Variants in GPC6 observed in about 807,000 individuals in gnomAD.
GPC6 encodes the protein glypican 6.
Under a neutral mutation model 55.2 loss-of-function variants are expected in GPC6, and 14 were observed. That is an observed-to-expected ratio of 0.25 (90% CI 0.17 to 0.40). The LOEUF (loss-of-function observed/expected upper bound fraction) is 0.40, where lower values mean the gene tolerates loss of function less well. Among genes scored for constraint, GPC6 ranks in the 10% least tolerant of loss-of-function variants. The pLI is 1.00. For missense variants in GPC6, 641 were observed against 708.5 expected, an observed-to-expected ratio of 0.90 and a Z score of 1.08; for synonymous variants, 278 against 259.6, an observed-to-expected ratio of 1.07 and a Z score of -0.68.
chr13:93,575,468 G>T (rs1209497662), intron 2 of GPC6, among the ~76,000 whole-genome samples: 2 of 152,186 alleles, frequency 1.3e-5, no homozygotes, highest in Non-Finnish European at 2.9e-5. Flanking sequence ...CAGTCCCAGA[G>T]TTTCAGATTC....
chr13:94,106,309 A>G (rs1400951635), intron 4 of GPC6, among the ~76,000 whole-genome samples: 2 of 148,658 alleles, frequency 1.3e-5, no homozygotes, highest in Non-Finnish European at 3.0e-5. Context: ...AGAATCTGAG[A>G]AAAGGTTACA....
chr13:93,373,812 T>C (rs1336615264), intron 1 of GPC6, among the ~76,000 whole-genome samples: 1 of 152,230 alleles, frequency 6.6e-6, no homozygotes, highest in Admixed American at 6.5e-5. Context: ...TTACATGATG[T>C]TAAATAAAGA....
At chr13:93,241,813 G>A (rs1368488340) in intron 1 of GPC6, among the ~76,000 whole-genome samples, 2 of 147,184 alleles carry the variant, frequency 1.4e-5, no homozygotes, top group African/African-American at 5.1e-5. Context: ...TTTGAATTGA[G>A]TTTTGACTGA....
intron 2 of GPC6, among the ~76,000 whole-genome samples, chr13:93,713,100 A>C (rs112424991): frequency 0.017 from 2,576 of 151,698 alleles, 77 homozygotes; most frequent in African/African-American, 0.059. Context: ...GATTAAACAG[A>C]AATTAAAAAC....
At chr13:94,246,664 A>T (rs1258786815) in intron 4 of GPC6, among the ~76,000 whole-genome samples, 2 of 151,920 alleles carry the variant, frequency 1.3e-5, no homozygotes, top group South Asian at 4.1e-4. Context: ...AAAGTAGTTG[A>T]TTATATATGT....
At chr13:93,949,882 A>G (rs1385884527) in intron 3 of GPC6, among the ~76,000 whole-genome samples, 1 of 151,046 alleles carries the variant, frequency 6.6e-6, no homozygotes, top group East Asian at 2.0e-4. Context: ...GCATACCACC[A>G]CCCCCGGCTG....
At chr13:93,500,325 A>C (rs2590508) in intron 1 of GPC6, among the ~76,000 whole-genome samples, 1 of 152,232 alleles carries the variant, frequency 6.6e-6, no homozygotes, top group African/African-American at 2.4e-5. Flanking sequence ...TTGAAAAGAG[A>C]GTGTAGAGAC....
At chr13:94,217,761 T>C (rs1003447479) in intron 4 of GPC6, among the ~76,000 whole-genome samples, 5 of 152,222 alleles carry the variant, frequency 3.3e-5, no homozygotes, top group Non-Finnish European at 7.3e-5. Context: ...GAGCACAGGC[T>C]TCGGCATCAA....
intron 1 of GPC6, among the ~76,000 whole-genome samples, chr13:93,401,154 TCGTG>T (rs1876056883): frequency 9.4e-6 from 1 of 106,496 alleles, no homozygotes; most frequent in African/African-American, 3.2e-5. Flanking sequence ...GAGGTATTTG[TCGTG>T]TGTGTGTGTG....
intron 1 of GPC6, among the ~76,000 whole-genome samples, chr13:93,416,716 C>CCT (rs1273789346): frequency 6.6e-6 from 1 of 152,070 alleles, no homozygotes; most frequent in Non-Finnish European, 1.5e-5. Context: ...CCCTTCCCAG[C>CCT]CTCTGGTAAC....
At chr13:93,729,472 C>A (rs1883751284) in intron 2 of GPC6, among the ~76,000 whole-genome samples, 1 of 152,072 alleles carries the variant, frequency 6.6e-6, no homozygotes, top group Admixed American at 6.5e-5. Context: ...AGAGAAGTAT[C>A]AATGAAAACC....
At chr13:93,418,501 A>C (rs1420586750) in intron 1 of GPC6, among the ~76,000 whole-genome samples, 2 of 151,476 alleles carry the variant, frequency 1.3e-5, no homozygotes, top group Non-Finnish European at 3.0e-5. Flanking sequence ...GTGTTATTTT[A>C]TTAATAGCAC....
At chr13:93,218,868 A>C in the GPC6 span, among the ~76,000 whole-genome samples, 1 of 152,138 alleles carries the variant, frequency 6.6e-6, no homozygotes. Context: ...GGAGTTTGAG[A>C]ACCTACGTAA....
rs182783639 is a variant in GPC6, at chr13:94,001,778, A to G, written c.712-25951A>G. On this transcript the variant is annotated intron_variant, in intron 3 of 8. Coordinates refer to ENST00000377047, the MANE Select transcript of GPC6 (RefSeq NM_005708.5). ...AAAGTAAAAGAACCATCAAAAAGAA[A>G]CTGCACCAGATGGAGTTAAACAGTC... is the stretch of plus-strand genomic sequence containing the variant. Among the ~76,000 whole-genome samples, 68 of 152,308 alleles carry G rather than the reference A, an allele frequency of 4.5e-4. 2 individuals carry two copies. Among genetic ancestry groups the G allele is most frequent in the Non-Finnish European group, 1.6e-4 (11 of 68,028 alleles).
intron 3 of GPC6, among the ~76,000 whole-genome samples, chr13:93,857,392 T>C (rs183108692): frequency 6.6e-6 from 1 of 151,710 alleles, no homozygotes; most frequent in East Asian, 2.0e-4. Flanking sequence ...TTTGTGCAGA[T>C]GTTATCCAGA....
intron 1 of GPC6, among the ~76,000 whole-genome samples, chr13:93,368,463 G>A (rs66460753): frequency 0.35 from 52,136 of 148,900 alleles, 9,637 homozygotes; most frequent in East Asian, 0.71. Context: ...ATAGTATGCT[G>A]TCTTAAAAAG....
chr13:93,817,718 G>A (rs1886903064), intron 2 of GPC6, among the ~76,000 whole-genome samples: 1 of 151,852 alleles, frequency 6.6e-6, no homozygotes, highest in African/African-American at 2.4e-5. Flanking sequence ...AATTAGCCCA[G>A]TGTGGTGGCG....
chr13:94,226,923 C>T (rs969875985), intron 4 of GPC6, among the ~76,000 whole-genome samples: 1 of 152,116 alleles, frequency 6.6e-6, no homozygotes, highest in Non-Finnish European at 1.5e-5. Context: ...AGGAAAGATG[C>T]CATGAACCAG....
chr13:93,535,295 C>T (rs1292112910), intron 1 of GPC6, among the ~76,000 whole-genome samples: 1 of 152,120 alleles, frequency 6.6e-6, no homozygotes, highest in Non-Finnish European at 1.5e-5. Context: ...ATTGTTATAT[C>T]AAATACTTGT....
Sources: gnomAD v4.1 joint callset for allele counts (sites outside exome capture counted in the v4.1 genomes callset) on GRCh38, gnomAD v4.1.1 for gene constraint, MANE v1.5 for transcripts, NCBI Gene and HGNC (gene_info 2026-07-23, HGNC 2026-07-21) for gene names.